Variants in NUDT14 observed in about 807,000 individuals in gnomAD.
The protein encoded by NUDT14 is uridine diphosphate glucose pyrophosphatase NUDT14.
NUDT14 carries 22 observed loss-of-function variants against 17.5 expected under a neutral mutation model. That is an observed-to-expected ratio of 1.26 (90% CI 0.90 to 1.80). The LOEUF is 1.80. Ranked by LOEUF, NUDT14 falls within the 40% of genes most tolerant of loss-of-function variation. The pLI is 0.00. For synonymous variants in NUDT14, 129 were observed against 125.8 expected (o/e 1.03, Z -0.17); for missense variants, 296 against 295.6 (o/e 1.00, Z -0.01).
At chr14:105,177,766 C>T (rs894269139) in intron 1 of NUDT14, 31 bp from the exon 2 acceptor site, 1 of 1,609,124 alleles carries the variant, frequency 6.2e-7, no homozygotes, top group South Asian at 1.1e-5. Context: ...GTTAGAATGT[C>T]CCAGGATGGG....
rs1370038372 is a variant in NUDT14, at chr14:105,176,523, G to A, written c.428+11C>T. 1 of 1,603,562 alleles carries A rather than the reference G, an allele frequency of 6.2e-7. No individual in the cohort carries two copies. The highest frequency in any genetic ancestry group is 8.5e-7 in the Non-Finnish European group (1 of 1,171,664). On this transcript the variant is annotated intron_variant, in intron 4 of 4. Coordinates refer to ENST00000392568, the MANE Select transcript of NUDT14 (RefSeq NM_177533.5). ...GTCACACCACAGGCCTGAGGGCCTG[G>A]TCCCACTCACCAGTATGTGGCGACC...
rs192180306 is a variant in NUDT14 at position 105,175,016 on chromosome 14, C to T, written c.428+1518G>A. Among the ~76,000 whole-genome samples the T allele has an allele frequency of 1.4e-4, 22 of 152,358 alleles. No homozygotes were observed. In the East Asian group the frequency reaches 2.9e-3, roughly 20 times the overall value. On this transcript the variant is annotated intron_variant, in intron 4 of 4. Transcript: ENST00000392568. ...CTCCAGTCCTGCATCCCTGAAGCCA[C>T]GGCCTGCTCTTCCCGATGCGAGTCT...
rs987163113 is a variant in NUDT14, at chr14:105,174,808, C to T, written c.429-1547G>A. ...GGCACGTTCCAACTTCACTCCATCA[C>T]GCCCCAAGCTGACTGCCTCCCTGGG... On this transcript the variant is annotated intron_variant, in intron 4 of 4. Coordinates refer to ENST00000392568, the MANE Select transcript of NUDT14 (RefSeq NM_177533.5). Among the ~76,000 whole-genome samples the T allele has an allele frequency of 5.9e-5, 9 of 152,292 alleles. No homozygotes were observed. In the East Asian group the frequency reaches 1.2e-3, roughly 20 times the overall value.
intron 4 of NUDT14, chr14:105,175,771 G>A: frequency 9.9e-7 from 1 of 1,011,326 alleles, no homozygotes; most frequent in Non-Finnish European, 1.2e-6. Flanking sequence ...TGAAGTCCTT[G>A]AGGCTGCTGA....
Position 105,181,028 on chromosome 14 carries a change from G to A in NUDT14, c.81+101C>T, listed in dbSNP as rs1447232508. 4 of 306,110 alleles carry A rather than the reference G, an allele frequency of 1.3e-5. No individual in the cohort carries two copies. Among genetic ancestry groups the A allele is most frequent in the Admixed American group, 1.3e-4 (2 of 15,964 alleles). 19.0% of individuals were successfully genotyped at this position (306,110 alleles called of 1,614,324 possible). On this transcript the variant is annotated intron_variant, in intron 1 of 4. Transcript: ENST00000392568. The surrounding 1 kb of genome is among the most constrained non-coding windows in gnomAD (Gnocchi z 5.0). ...GAGATCGGCGGGAGGCGGGGGCGGG[G>A]CTCCGGGGCGGGGCCGGCAGCGCGG...
chr14:105,174,544 G>A (rs1288997610), intron 4 of NUDT14, among the ~76,000 whole-genome samples: 1 of 152,054 alleles, frequency 6.6e-6, no homozygotes, highest in Non-Finnish European at 1.5e-5. Context: ...CCTCCGGGGG[G>A]ACTCACCCCA....
In NUDT14 at chr14:105,176,644, G is replaced by T. The variant is rs750730000; in HGVS notation, c.318C>A (p.Gly106=). Residue 106 remains glycine, a synonymous_variant, in exon 4 of 5, where the codon GGC becomes GGA. Coordinates refer to ENST00000392568, the MANE Select transcript of NUDT14 (RefSeq NM_177533.5). The part of the protein sequence containing the change: ...SAGVTVELCA[G]LVDQPGLSLE... ...GCGAGAGCCCAGGCTGGTCCACGAG[G>T]CCGGCACACAGCTCAACTGTCACCC... 1 of 1,612,758 alleles carries T rather than the reference G, an allele frequency of 6.2e-7. No individual in the cohort carries two copies. Among genetic ancestry groups the T allele is most frequent in the Non-Finnish European group, 8.5e-7 (1 of 1,179,988 alleles).
intron 4 of NUDT14, chr14:105,175,602 T>C (rs1351178730): frequency 1.3e-5 from 6 of 452,152 alleles, no homozygotes; most frequent in Non-Finnish European, 1.8e-5. Context: ...GGTTTCTCCA[T>C]GTGGTCAGGC....
chr14:105,176,308 G>C, intron 4 of NUDT14: 1 of 593,308 alleles, frequency 1.7e-6, no homozygotes, highest in Non-Finnish European at 3.0e-6. Flanking sequence ...ACACAGCTGG[G>C]GGCCGCAGGC....
At chr14:105,179,593 T>G (rs1889285686) in intron 1 of NUDT14, among the ~76,000 whole-genome samples, 2 of 152,218 alleles carry the variant, frequency 1.3e-5, no homozygotes, top group Non-Finnish European at 2.9e-5. Context: ...GGCACCTGCC[T>G]GGGCCTGCAC....
intron 4 of NUDT14, 88 bp downstream of exon 4, chr14:105,176,446 T>C: frequency 9.2e-7 from 1 of 1,081,338 alleles, no homozygotes; most frequent in African/African-American, 1.5e-5. Context: ...GAGGAATCCA[T>C]CCTGCTTGCA....
rs1889319954 is a variant in NUDT14, at chr14:105,181,167, A to G, written c.43T>C (p.Ser15Pro). 2 of 1,177,950 alleles carry G rather than the reference A, an allele frequency of 1.7e-6. No individual in the cohort carries two copies. Among genetic ancestry groups the G allele is most frequent in the African/African-American group, 1.7e-5 (1 of 60,178 alleles). The allele number at this position is 1,177,950 out of a possible 1,614,324, so 73.0% of individuals were successfully genotyped here. ...EGASVGRCAA[S>P]PYLRPLTLHY... The stretch of plus-strand genomic sequence containing the variant: ...AGCGTGAGCGGCCGCAGGTAGGGTG[A>G]GGCGGCGCAGCGGCCCACGGACGCC... Residue 15 changes from serine to proline, a missense_variant, in exon 1 of 5, where the codon TCA becomes CCA. Coordinates refer to ENST00000392568, the MANE Select transcript of NUDT14 (RefSeq NM_177533.5). This position sits in a 1 kb window ranked among gnomAD's most constrained non-coding sequence, Gnocchi z 5.0.
At chr14:105,178,313 C>T (rs111397517) in intron 1 of NUDT14, among the ~76,000 whole-genome samples, 3,662 of 152,130 alleles carry the variant, frequency 0.024, 148 homozygotes, top group African/African-American at 0.08. Flanking sequence ...CTGCAGGACT[C>T]GGTGACTGTC....
At position 105,173,310 on chromosome 14, in the gene NUDT14, G is replaced by C; in HGVS notation, c.429-49C>G. On this transcript the variant is annotated intron_variant, in intron 4 of 4. Transcript: ENST00000392568. This position sits in a 1 kb window ranked among gnomAD's most constrained non-coding sequence, Gnocchi z 4.7. Reference sequence around the variant, plus strand: ...TGAGTCACCCACGCTGGCCCCGCTGGCCCCCTGGCCCTTCTACCACCCTCC... The same window carrying C: ...TGAGTCACCCACGCTGGCCCCGCTGCCCCCCTGGCCCTTCTACCACCCTCC... 6.9e-7 allele frequency: 1 copy of C among 1,446,676 alleles called. No individual in the cohort carries two copies. The highest frequency in any genetic ancestry group is 2.6e-5 in the East Asian group (1 of 38,228). The allele number at this position is 1,446,676 out of a possible 1,614,324, so 89.6% of individuals were successfully genotyped here.
chr14:105,175,035 C>T (rs1396572130), intron 4 of NUDT14, among the ~76,000 whole-genome samples: 3 of 152,346 alleles, frequency 2.0e-5, no homozygotes, highest in South Asian at 2.1e-4. Context: ...CTTCCCGATG[C>T]GAGTCTAAGC....
Position 105,176,640 on chromosome 14 carries a change from C to A in NUDT14, c.322G>T (p.Val108Leu). The A allele has an allele frequency of 6.2e-7, 1 of 1,612,760 alleles. No individual in the cohort carries two copies. The highest frequency in any genetic ancestry group is 1.3e-5 in the African/African-American group (1 of 75,034). Residue 108 changes from valine (V) to leucine (L), a missense_variant, in exon 4 of 5, where the codon GTG (valine) becomes TTG (leucine). Coordinates refer to ENST00000392568, the MANE Select transcript of NUDT14 (RefSeq NM_177533.5). Reference protein sequence around the residue: ...GVTVELCAGLVDQPGLSLEEV... With the variant: ...GVTVELCAGLLDQPGLSLEEV... ...TCCAGCGAGAGCCCAGGCTGGTCCA[C>A]GAGGCCGGCACACAGCTCAACTGTC...
At chr14:105,177,456 G>C in intron 2 of NUDT14, 1 of 568,368 alleles carries the variant, frequency 1.8e-6, no homozygotes, top group Non-Finnish European at 3.2e-6. Context: ...CCCTGAGAGG[G>C]CCTGCCCACC....
intron 2 of NUDT14, 37 bp downstream of exon 2, chr14:105,177,655 G>A: frequency 6.2e-7 from 1 of 1,606,028 alleles, no homozygotes; most frequent in Non-Finnish European, 8.5e-7. Flanking sequence ...CATCAGTCTG[G>A]GGCTTCCCCA....
Position 105,172,980 on chromosome 14 carries a change from G to T in NUDT14, c.*41C>A. The T allele has an allele frequency of 6.8e-7, 1 of 1,463,806 alleles. No homozygotes were observed. The allele number at this position is 1,463,806 out of a possible 1,614,324, so 90.7% of individuals were successfully genotyped here. Reference sequence around the variant, plus strand: ...TTTATTGGGGTCCGCGGGGTGTGGGGTGAGTGGCCAAGACTGGCCTCTGTC... The same window carrying T: ...TTTATTGGGGTCCGCGGGGTGTGGGTTGAGTGGCCAAGACTGGCCTCTGTC... On this transcript the variant is annotated 3_prime_UTR_variant, in exon 5 of 5. Transcript: ENST00000392568.
Sources: gnomAD v4.1 joint callset for allele counts (sites outside exome capture counted in the v4.1 genomes callset) on GRCh38, gnomAD v4.1.1 for gene constraint, Gnocchi (gnomAD v3.1) non-coding constraint, MANE v1.5 for transcripts, NCBI Gene and HGNC (gene_info 2026-07-23, HGNC 2026-07-21) for gene names.